CCDC178: variants seen among roughly 807,000 people sequenced by gnomAD.
CCDC178 encodes the protein coiled-coil domain containing 178, also known as coiled-coil domain-containing protein 178.
CCDC178 carries 126 observed loss-of-function variants against 117.4 expected under a neutral mutation model. That is an observed-to-expected ratio of 1.07 (90% CI 0.93 to 1.24). The LOEUF (loss-of-function observed/expected upper bound fraction) is 1.24, where lower values mean the gene tolerates loss of function less well. Ranked by LOEUF, CCDC178 falls within the 50% of genes most tolerant of loss-of-function variation. The probability of loss-of-function intolerance (pLI) is 0.00; values close to 1 mark genes in which losing one functional copy is unlikely to be tolerated. For missense variants in CCDC178, 1,030 were observed against 986.9 expected (o/e 1.04, Z -0.59); for synonymous variants, 283 against 313.4 (o/e 0.90, Z 1.02).
chr18:33,263,071 T>A (rs2059770519), intron 14 of CCDC178, among the ~76,000 whole-genome samples: 1 of 152,170 alleles, frequency 6.6e-6, no homozygotes, highest in Non-Finnish European at 1.5e-5. Flanking sequence ...ACCTCCCTAG[T>A]AATCAAATAA....
intron 21 of CCDC178, among the ~76,000 whole-genome samples, chr18:33,084,442 T>C (rs1366204198): frequency 1.3e-5 from 2 of 152,132 alleles, no homozygotes; most frequent in African/African-American, 4.8e-5. Flanking sequence ...TTCTGGGAAA[T>C]TTTTGGCTGT....
At chr18:33,396,524 G>A (rs2063639384) in intron 4 of CCDC178, among the ~76,000 whole-genome samples, 1 of 152,006 alleles carries the variant, frequency 6.6e-6, no homozygotes, top group East Asian at 1.9e-4. Flanking sequence ...ACAAAAAATG[G>A]TATTGTACAA....
At position 33,084,169 on chromosome 18, in the gene CCDC178, A is replaced by C. The variant is rs76423085; in HGVS notation, c.2388+8592T>G. 3.0e-3 allele frequency among the ~76,000 whole-genome samples: 463 copies of C among 152,300 alleles called. 2 individuals are homozygous for C. Among genetic ancestry groups the C allele is most frequent in the Non-Finnish European group, 5.3e-3 (364 of 68,038 alleles). Reference sequence around the variant, plus strand: ...TAGCTTTATTGTTTGTTTCAGGACAAGTTAGAACAAATATTCCCTCATTTT... The same window carrying C: ...TAGCTTTATTGTTTGTTTCAGGACACGTTAGAACAAATATTCCCTCATTTT... On this transcript the variant is annotated intron_variant, in intron 21 of 22. Transcript: ENST00000383096.
chr18:33,041,080 G>T (rs1598817573), intron 21 of CCDC178, among the ~76,000 whole-genome samples: 1 of 151,926 alleles, frequency 6.6e-6, no homozygotes, highest in Non-Finnish European at 1.5e-5. Flanking sequence ...ATTTTAAATT[G>T]TTTAACAGAA....
intron 12 of CCDC178, among the ~76,000 whole-genome samples, chr18:33,279,105 G>A (rs1261647899): frequency 6.6e-6 from 1 of 152,024 alleles, no homozygotes; most frequent in East Asian, 1.9e-4. Context: ...TTCTGGCCAG[G>A]GCAATGAGGC....
intron 11 of CCDC178, among the ~76,000 whole-genome samples, chr18:33,314,450 A>T (rs1341462030): frequency 6.6e-6 from 1 of 152,088 alleles, no homozygotes; most frequent in East Asian, 1.9e-4. Flanking sequence ...CTCATCGCTC[A>T]TGGATTTTGT....
intron 18 of CCDC178, among the ~76,000 whole-genome samples, chr18:33,220,225 T>C (rs2059214721): frequency 6.6e-6 from 1 of 151,896 alleles, no homozygotes; most frequent in African/African-American, 2.4e-5. Flanking sequence ...GCAATGGGGG[T>C]AAGGGAGCAA....
At chr18:33,427,779 C>T (rs2064142225) in intron 2 of CCDC178, among the ~76,000 whole-genome samples, 1 of 152,116 alleles carries the variant, frequency 6.6e-6, no homozygotes. Context: ...AGAGATGAGC[C>T]TTTCACCTTC....
At chr18:33,054,895 G>A (rs1344211259) in intron 21 of CCDC178, among the ~76,000 whole-genome samples, 1 of 152,152 alleles carries the variant, frequency 6.6e-6, no homozygotes, top group African/African-American at 2.4e-5. Context: ...CCAACAGTGT[G>A]AAAGTGTTGC....
chr18:33,078,197 T>C (rs577333320), intron 21 of CCDC178, among the ~76,000 whole-genome samples: 16 of 152,266 alleles, frequency 1.1e-4, no homozygotes, highest in South Asian at 4.1e-4. Context: ...ATTATCTCTA[T>C]AGATGCAGTA....
intron 5 of CCDC178, among the ~76,000 whole-genome samples, chr18:33,376,610 T>C (rs2063369574): frequency 6.6e-6 from 1 of 152,078 alleles, no homozygotes; most frequent in South Asian, 2.1e-4. Context: ...CCCTCTCTCC[T>C]CCCTATAGTA....
At chr18:33,404,424 T>C (rs937513115) in intron 3 of CCDC178, among the ~76,000 whole-genome samples, 2 of 151,558 alleles carry the variant, frequency 1.3e-5, no homozygotes, top group African/African-American at 2.4e-5. Flanking sequence ...TAGGAGGCTA[T>C]AATAATAAAG....
chr18:33,029,932 A>G (rs2056302883), intron 21 of CCDC178, among the ~76,000 whole-genome samples: 1 of 152,008 alleles, frequency 6.6e-6, no homozygotes, highest in African/African-American at 2.4e-5. Context: ...GCTCTTGAGA[A>G]GAATATATAT....
chr18:33,283,746 CA>C (rs2060054426), intron 12 of CCDC178, among the ~76,000 whole-genome samples: 3 of 151,862 alleles, frequency 2.0e-5, no homozygotes, highest in African/African-American at 7.3e-5. Context: ...ACTAAAAAGC[CA>C]AAAAAATAAC....
intron 21 of CCDC178, among the ~76,000 whole-genome samples, chr18:33,074,250 G>A (rs1028714952): frequency 2.0e-5 from 3 of 151,962 alleles, no homozygotes; most frequent in Non-Finnish European, 2.9e-5. Flanking sequence ...CACATCATAA[G>A]TGTATAGCAC....
intron 21 of CCDC178, among the ~76,000 whole-genome samples, chr18:33,015,380 A>C (rs1184210483): frequency 6.6e-6 from 1 of 152,054 alleles, no homozygotes; most frequent in African/African-American, 2.4e-5. Context: ...CCTGGCTAAC[A>C]CGGTGAAACC....
intron 21 of CCDC178, among the ~76,000 whole-genome samples, chr18:33,042,548 T>C (rs1244943129): frequency 1.3e-5 from 2 of 151,946 alleles, no homozygotes; most frequent in Non-Finnish European, 2.9e-5. Flanking sequence ...ATCTTTATTA[T>C]ATGCTAGTTT....
chr18:33,048,587 T>C (rs2056688351), intron 21 of CCDC178, among the ~76,000 whole-genome samples: 1 of 152,212 alleles, frequency 6.6e-6, no homozygotes, highest in Admixed American at 6.5e-5. Context: ...CAGGTAGTTT[T>C]AGACACAAAA....
chr18:33,271,302 G>A (rs917070495), intron 12 of CCDC178, among the ~76,000 whole-genome samples: 5 of 151,234 alleles, frequency 3.3e-5, no homozygotes, highest in South Asian at 4.2e-4. Flanking sequence ...AGAGATTGAC[G>A]GAATGAGTTT....
Sources: allele counts gnomAD v4.1 joint callset (sites outside exome capture counted in the v4.1 genomes callset), GRCh38; gene constraint gnomAD v4.1.1; transcripts MANE v1.5; gene names NCBI Gene and HGNC (gene_info 2026-07-23, HGNC 2026-07-21).